The following VGLL2 variants were observed in gnomAD, a reference collection of about 807,000 sequenced individuals.
VGLL2 encodes vestigial like family member 2.
VGLL2 carries 18 observed loss-of-function variants against 27.0 expected under a neutral mutation model. The observed-to-expected ratio is 0.67, with a 90% confidence interval of 0.46 to 0.99. The LOEUF is 0.99. Ranked by LOEUF, VGLL2 falls within the 50% of genes least tolerant of loss-of-function variation. The probability of loss-of-function intolerance (pLI) is 0.00; values close to 1 mark genes in which losing one functional copy is unlikely to be tolerated. For synonymous variants in VGLL2, 220 were observed against 201.1 expected, an observed-to-expected ratio of 1.09 and a Z score of -0.80; for missense variants, 491 against 452.3, an observed-to-expected ratio of 1.09 and a Z score of -0.78.
intron 2 of VGLL2, 24 bp downstream of exon 2, chr6:117,268,515 A>C: frequency 6.4e-7 from 1 of 1,562,716 alleles, no homozygotes; most frequent in Non-Finnish European, 8.7e-7. Flanking sequence ...CCTGCTGGGA[A>C]GGACCCATAG....
At position 117,272,446 on chromosome 6, in the gene VGLL2, G is replaced by A; in HGVS notation, c.914-8G>A. On this transcript the variant is annotated splice_region_variant and splice_polypyrimidine_tract_variant and intron_variant, in intron 3 of 3. Transcript: ENST00000326274. ...GGGTTTGTAACAGCTTCTGATCTTG[G>A]TTTGCAGCTCGTCGTTATTCCCTCT... 1.9e-6 allele frequency: 3 copies of A among 1,614,182 alleles called. No individual in the cohort carries two copies. The highest frequency in any genetic ancestry group is 2.5e-6 in the Non-Finnish European group (3 of 1,180,038).
At chr6:117,267,889 A>C (rs1399478025) in intron 1 of VGLL2, among the ~76,000 whole-genome samples, 1 of 152,188 alleles carries the variant, frequency 6.6e-6, no homozygotes, top group Non-Finnish European at 1.5e-5. Context: ...CTAGCTGCTT[A>C]GGTGTCTCCT....
In VGLL2 at chr6:117,268,323, C is replaced by T; in HGVS notation, c.223C>T (p.Pro75Ser). Residue 75 changes from proline (P) to serine (S), a missense_variant, in exon 2 of 4, where the codon CCA becomes TCA. By Grantham distance (74) the Pro-to-Ser change is moderately conservative. Transcript: ENST00000326274. The stretch of plus-strand genomic sequence containing the variant: ...AGAAGGCAGCCCAGAGAAAGAGCGC[C>T]CACCAGAGGCAGAGTACATCAACTC... ...EEEGSPEKER[P>S]PEAEYINSRC... The T allele has an allele frequency of 6.2e-7, 1 of 1,614,170 alleles. No homozygotes were observed. Among genetic ancestry groups the T allele is most frequent in the Non-Finnish European group, 8.5e-7 (1 of 1,180,042 alleles).
intron 1 of VGLL2, among the ~76,000 whole-genome samples, chr6:117,266,540 A>C (rs1482524267): frequency 6.6e-6 from 1 of 152,216 alleles, no homozygotes; most frequent in Non-Finnish European, 1.5e-5. Context: ...TGCTTCCAAC[A>C]AACACTTTAA....
At chr6:117,267,783 G>A (rs79096488) in intron 1 of VGLL2, among the ~76,000 whole-genome samples, 7,781 of 152,220 alleles carry the variant, frequency 0.051, 661 homozygotes, top group African/African-American at 0.18. Flanking sequence ...GAACAGTCAG[G>A]CTCTATCTGG....
At position 117,270,598 on chromosome 6, in the gene VGLL2, G is replaced by A. The variant is rs1283789371; in HGVS notation, c.447G>A (p.Ala149=). Reference sequence around the variant, plus strand: ...TCCCCGCCTCCTTCTGGAATAGCGCGTACCAGGCGCCAGTGCCCCCGCCGC... The same window carrying A: ...TCCCCGCCTCCTTCTGGAATAGCGCATACCAGGCGCCAGTGCCCCCGCCGC... The part of the protein sequence containing the change: ...RSFPASFWNS[A]YQAPVPPPLG... Residue 149 remains alanine, a synonymous_variant, in exon 3 of 4, where the codon GCG becomes GCA. Transcript: ENST00000326274. 5 of 1,588,034 alleles carry A rather than the reference G, an allele frequency of 3.1e-6. No individual in the cohort carries two copies. Among genetic ancestry groups the A allele is most frequent in the Non-Finnish European group, 3.4e-6 (4 of 1,169,860 alleles).
At position 117,265,631 on chromosome 6, in the gene VGLL2, C is replaced by A; in HGVS notation, c.-133C>A. The A allele has an allele frequency of 1.4e-6, 1 of 737,186 alleles. No homozygotes were observed. Among genetic ancestry groups the A allele is most frequent in the South Asian group, 1.7e-5 (1 of 60,378 alleles). The allele number at this position is 737,186 out of a possible 1,614,324, so 45.7% of individuals were successfully genotyped here. The stretch of plus-strand genomic sequence containing the variant: ...GTAGCGAGCCAGCTGGATTCCGAGC[C>A]GCGGAGCGCGCTGGCTTTGCTCCGC... On this transcript the variant is annotated 5_prime_UTR_variant, in exon 1 of 4. Transcript: ENST00000326274.
At chr6:117,272,219 T>C (rs1773218292) in intron 3 of VGLL2, 1 of 754,150 alleles carries the variant, frequency 1.3e-6, no homozygotes, top group Non-Finnish European at 1.6e-6. Flanking sequence ...TTCTCCTCCT[T>C]CTCCTTCTCC....
rs993083696 is a variant in VGLL2, at chr6:117,270,660, C to A, written c.509C>A (p.Pro170His). Residue 170 changes from proline (P) to histidine (H), a missense_variant, in exon 3 of 4, where the codon CCC (proline) becomes CAC (histidine). Physicochemically the swap from Pro to His is moderately conservative, Grantham distance 77. Coordinates refer to ENST00000326274, the MANE Select transcript of VGLL2 (RefSeq NM_182645.3). ...SPLATAHSEL[P>H]FAAADPYSPA... ...CTGGCCACCGCGCACTCGGAGCTGC[C>A]CTTCGCCGCCGCCGACCCCTACTCG... The A allele has an allele frequency of 6.4e-7, 1 of 1,563,622 alleles. No homozygotes were observed. Among genetic ancestry groups the A allele is most frequent in the African/African-American group, 1.4e-5 (1 of 72,370 alleles).
intron 2 of VGLL2, 86 bp downstream of exon 2, chr6:117,268,577 G>T (rs965726369): frequency 9.5e-6 from 13 of 1,373,274 alleles, no homozygotes; most frequent in Admixed American, 8.4e-5. Flanking sequence ...ACATGCAGCT[G>T]AAAAGAATAT....
chr6:117,270,416 A>C (rs970412971), intron 2 of VGLL2, 127 bp from the exon 3 acceptor site: 1 of 1,250,818 alleles, frequency 8.0e-7, no homozygotes, highest in South Asian at 1.6e-5. Context: ...GGCCATGGCT[A>C]GCCAGCCCTG....
chr6:117,265,849 G>C lies in VGLL2; in HGVS notation c.81+5G>C, dbSNP rs375912664. ...GCCTACACCCCCTACCACCAGGTAC[G>C]TGTCTCCTCTGGGGACTTTGGGAAG... On this transcript the variant is annotated splice_donor_5th_base_variant and intron_variant, in intron 1 of 3. Coordinates refer to ENST00000326274, the MANE Select transcript of VGLL2 (RefSeq NM_182645.3). 1.2e-6 allele frequency: 2 copies of C among 1,613,678 alleles called. No individual in the cohort carries two copies. The highest frequency in any genetic ancestry group is 1.1e-5 in the South Asian group (1 of 91,048).
rs1412599132 is a variant in VGLL2 at position 117,272,808 on chromosome 6, AC to A, written c.*315del. ...CTTGGAACGGGGGAAAGAAAATGAA[AC>A]TTTTTGGTGTGAATATTTTTTATGC... On this transcript the variant is annotated 3_prime_UTR_variant, in exon 4 of 4. Coordinates refer to ENST00000326274, the MANE Select transcript of VGLL2 (RefSeq NM_182645.3). The A allele has an allele frequency of 2.3e-6, 1 of 434,552 alleles. No homozygotes were observed. The highest frequency in any genetic ancestry group is 2.0e-5 in the African/African-American group (1 of 49,860). The allele number at this position is 434,552 out of a possible 1,614,324, so 26.9% of individuals were successfully genotyped here.
At chr6:117,268,019 A>C (rs1419885571) in intron 1 of VGLL2, among the ~76,000 whole-genome samples, 163 bp from the exon 2 acceptor site, 1 of 152,114 alleles carries the variant, frequency 6.6e-6, no homozygotes, top group Non-Finnish European at 1.5e-5. Flanking sequence ...CCTGCTAACT[A>C]TGTTGCCCCG....
intron 2 of VGLL2, among the ~76,000 whole-genome samples, chr6:117,270,278 G>A (rs1319248807): frequency 6.6e-6 from 1 of 152,144 alleles, no homozygotes; most frequent in African/African-American, 2.4e-5. Context: ...TGCGAAATGG[G>A]AGGAAGCAGG....
rs1773226920 is a variant in VGLL2 at position 117,272,711 on chromosome 6, G to A, written c.*217G>A. ...ATCCAAAGACTGAGTTATGTTTAAT[G>A]ACTTTTGGCCGAATCACTGGAAATA... On this transcript the variant is annotated 3_prime_UTR_variant, in exon 4 of 4. Coordinates refer to ENST00000326274, the MANE Select transcript of VGLL2 (RefSeq NM_182645.3). The A allele has an allele frequency of 8.0e-6, 5 of 627,102 alleles. No homozygotes were observed. The highest frequency in any genetic ancestry group is 1.3e-5 in the Non-Finnish European group (5 of 379,638). 38.8% of individuals were successfully genotyped at this position (627,102 alleles called of 1,614,324 possible). A position where few individuals can be genotyped will look rare whatever the true frequency, so the allele number is the denominator to read the frequency against.
Position 117,272,974 on chromosome 6 carries a change from GATCCCTTCCTGCCC to G in VGLL2, c.*490_*503del, listed in dbSNP as rs1157757243. The G allele has an allele frequency of 6.3e-6, 1 of 159,162 alleles. No individual in the cohort carries two copies. The highest frequency in any genetic ancestry group is 1.4e-5 in the Non-Finnish European group (1 of 72,754). The allele number at this position is 159,162 out of a possible 1,614,324, so 9.9% of individuals were successfully genotyped here. A position where few individuals can be genotyped will look rare whatever the true frequency, so the allele number is the denominator to read the frequency against. On this transcript the variant is annotated 3_prime_UTR_variant, in exon 4 of 4. Coordinates refer to ENST00000326274, the MANE Select transcript of VGLL2 (RefSeq NM_182645.3). ...CTTCTTCCTCACCTCTCAGCCTCCA[GATCCCTTCCTGCCC>G]ATCCCTTCCCTACAATGCCCACTCC...
rs748954864 is a variant in VGLL2, at chr6:117,265,863, G to C, written c.81+19G>C. The C allele has an allele frequency of 6.2e-7, 1 of 1,612,176 alleles. No homozygotes were observed. On this transcript the variant is annotated intron_variant, in intron 1 of 3. Transcript: ENST00000326274. ...CCACCAGGTACGTGTCTCCTCTGGG[G>C]ACTTTGGGAAGGAGTGCGCGCCCCC...
rs117813588 is a variant in VGLL2, at chr6:117,268,883, A to G, written c.391+392A>G. On this transcript the variant is annotated intron_variant, in intron 2 of 3. Transcript: ENST00000326274. ...AATGGATGCAAATATGCCGTCAAAA[A>G]CGTGAGGTTTCCAGCACCCTCCCAA... 1.5e-3 allele frequency among the ~76,000 whole-genome samples: 225 copies of G among 152,262 alleles called. 2 individuals carry two copies. In the East Asian group the frequency reaches 0.023, roughly 15 times the overall value.
Sources: allele counts gnomAD v4.1 joint callset (sites outside exome capture counted in the v4.1 genomes callset), GRCh38; gene constraint gnomAD v4.1.1; transcripts MANE v1.5; gene names NCBI Gene and HGNC (gene_info 2026-07-23, HGNC 2026-07-21).